Variants in WWTR1 observed in about 807,000 individuals in gnomAD.
WWTR1 encodes WW domain containing transcription regulator 1.
A neutral mutation model predicts 40.1 loss-of-function variants in WWTR1; 13 were observed. That is an observed-to-expected ratio of 0.32 (90% confidence interval 0.21 to 0.52). The LOEUF is 0.52. Among genes scored for constraint, WWTR1 ranks in the 20% least tolerant of loss-of-function variants. The pLI is 0.97. For missense variants in WWTR1, 436 were observed against 523.1 expected (o/e 0.83, Z 1.63); for synonymous variants, 230 against 210.1 (o/e 1.09, Z -0.82).
chr3:149,629,299 C>T, intron 2 of WWTR1, among the ~76,000 whole-genome samples: 1 of 146,072 alleles, frequency 6.8e-6, no homozygotes, highest in Admixed American at 6.9e-5. Context: ...ACAGAAGAGT[C>T]CCTCAGGCTC....
chr3:149,697,994 G>A (rs1304990611), intron 1 of WWTR1, among the ~76,000 whole-genome samples: 1 of 152,262 alleles, frequency 6.6e-6, no homozygotes, highest in Non-Finnish European at 1.5e-5. Flanking sequence ...GTGAAGGATA[G>A]GCTTCCAAGG....
At chr3:149,642,130 T>A (rs945129708) in intron 2 of WWTR1, among the ~76,000 whole-genome samples, 2 of 152,188 alleles carry the variant, frequency 1.3e-5, no homozygotes, top group Non-Finnish European at 2.9e-5. Flanking sequence ...TGTTAAAATG[T>A]ACGAATGTGG....
At chr3:149,561,326 TA>T (rs145568418) in intron 3 of WWTR1, among the ~76,000 whole-genome samples, 5 of 150,832 alleles carry the variant, frequency 3.3e-5, no homozygotes, top group Non-Finnish European at 4.4e-5. Flanking sequence ...ATTCATAAGT[TA>T]AAAAAAAAGA....
chr3:149,674,056 C>CAAAAA (rs71138404), intron 1 of WWTR1, among the ~76,000 whole-genome samples: 1 of 121,866 alleles, frequency 8.2e-6, no homozygotes, highest in Admixed American at 9.5e-5. Context: ...CTCGTCTCTA[C>CAAAAA]AAAAAAAAAA....
intron 1 of WWTR1, among the ~76,000 whole-genome samples, chr3:149,683,011 A>G (rs1442176096): frequency 6.6e-6 from 1 of 152,208 alleles, no homozygotes; most frequent in Non-Finnish European, 1.5e-5. Flanking sequence ...AGATGGGGAA[A>G]GGAATTCCCA....
At chr3:149,587,566 T>A (rs866104176) in intron 2 of WWTR1, among the ~76,000 whole-genome samples, 8 of 152,226 alleles carry the variant, frequency 5.3e-5, no homozygotes, top group Non-Finnish European at 8.8e-5. Flanking sequence ...CTGTGCCTTG[T>A]ATTTAATTGA....
intron 2 of WWTR1, among the ~76,000 whole-genome samples, chr3:149,624,369 T>A (rs1422179679): frequency 6.6e-6 from 1 of 152,208 alleles, no homozygotes. Flanking sequence ...AGTCCCTGGA[T>A]CTGGAGCCAA....
At chr3:149,595,483 ATTTT>A (rs1738955899) in intron 2 of WWTR1, among the ~76,000 whole-genome samples, 1 of 152,104 alleles carries the variant, frequency 6.6e-6, no homozygotes, top group African/African-American at 2.4e-5. Flanking sequence ...AATATCATAT[ATTTT>A]ATTTGCTTGA....
intron 1 of WWTR1, among the ~76,000 whole-genome samples, chr3:149,700,987 T>C (rs1489048472): frequency 6.6e-6 from 1 of 152,210 alleles, no homozygotes; most frequent in Non-Finnish European, 1.5e-5. Flanking sequence ...TTGGATAAAA[T>C]GACAGCCCAA....
At chr3:149,619,957 A>G (rs1740191803) in intron 2 of WWTR1, among the ~76,000 whole-genome samples, 1 of 152,150 alleles carries the variant, frequency 6.6e-6, no homozygotes, top group Non-Finnish European at 1.5e-5. Context: ...AGCACCCAGG[A>G]TTCCATCATT....
At chr3:149,688,652 A>G (rs1714725439) in intron 1 of WWTR1, among the ~76,000 whole-genome samples, 1 of 152,190 alleles carries the variant, frequency 6.6e-6, no homozygotes, top group Non-Finnish European at 1.5e-5. Flanking sequence ...GAGTACTTGG[A>G]AAACATTCTC....
At position 149,595,478 on chromosome 3, in the gene WWTR1, CAT is replaced by C. The variant is rs151125244; in HGVS notation, c.432-22480_432-22479del. Among the ~76,000 whole-genome samples, 649 of 152,048 alleles carry C rather than the reference CAT, an allele frequency of 4.3e-3. 9 individuals are homozygous for C. Among genetic ancestry groups the C allele is most frequent in the East Asian group, 0.018 (94 of 5,164 alleles). ...ATTTAAGTATTTAGGAGTAAAATATCATATATTTTATTTGCTTGAAAATACTA... is the reference window on the plus strand; with the variant it reads ...ATTTAAGTATTTAGGAGTAAAATATCATATTTTATTTGCTTGAAAATACTA... On this transcript the variant is annotated intron_variant, in intron 2 of 6. Transcript: ENST00000360632.
At chr3:149,524,970 A>T (rs1473252045) in intron 6 of WWTR1, among the ~76,000 whole-genome samples, 1 of 152,224 alleles carries the variant, frequency 6.6e-6, no homozygotes, top group Non-Finnish European at 1.5e-5. Context: ...CTTAGAGTTT[A>T]TGACTTTCAT....
chr3:149,596,682 T>C lies in WWTR1; in HGVS notation c.432-23682A>G, dbSNP rs143764155. Among the ~76,000 whole-genome samples the C allele has an allele frequency of 1.0e-3, 155 of 152,354 alleles. 1 individual carries two copies. Among genetic ancestry groups the C allele is most frequent in the African/African-American group, 3.6e-3 (150 of 41,576 alleles). On this transcript the variant is annotated intron_variant, in intron 2 of 6. Transcript: ENST00000360632. ...CATCACTCAGACTTTGAAGCCATGT[T>C]GCATAACAGATAATGATGTGCGCAA...
At position 149,656,886 on chromosome 3, in the gene WWTR1, A is replaced by T. The variant is rs1377588889; in HGVS notation, c.421T>A (p.Tyr141Asn). 1 of 1,517,908 alleles carries T rather than the reference A, an allele frequency of 6.6e-7. No homozygotes were observed. Among genetic ancestry groups the T allele is most frequent in the Non-Finnish European group, 8.8e-7 (1 of 1,140,374 alleles). 94.0% of individuals were successfully genotyped at this position (1,517,908 alleles called of 1,614,324 possible). The change falls in exon 2 of 7, where the codon TAC (tyrosine) becomes AAC (asparagine). Residue 141 changes from tyrosine (Y) to asparagine (N), a missense_variant. Transcript: ENST00000360632. ...TCCAGGCTGACTTACTTGAGGAAGT[A>T]CCTCTGGCCAGTGGCCGTGAAGGTC... ...EMTFTATGQR[Y>N]FLNHIEKITT...
intron 5 of WWTR1, among the ~76,000 whole-genome samples, chr3:149,711,170 A>G (rs1361339735): frequency 1.3e-5 from 2 of 151,558 alleles, no homozygotes; most frequent in Non-Finnish European, 2.9e-5. Flanking sequence ...CTAAAAAAAA[A>G]AAAAAAAAAG....
intron 3 of WWTR1, among the ~76,000 whole-genome samples, chr3:149,544,751 A>G (rs1205475380): frequency 6.6e-6 from 1 of 152,200 alleles, no homozygotes; most frequent in African/African-American, 2.4e-5. Flanking sequence ...CCCTGTAAAG[A>G]CAATCTGCCT....
At chr3:149,706,194 CTCTGTCTCA>C, upstream of WWTR1, among the ~76,000 whole-genome samples, 1 of 152,092 alleles carries the variant, frequency 6.6e-6, no homozygotes, top group Non-Finnish European at 1.5e-5. Flanking sequence ...CAGAGAGAGA[CTCTGTCTCA>C]AAAGAAAAAA....
chr3:149,710,580 C>A lies in WWTR1; in HGVS notation n.584+6862G>T, dbSNP rs1181533843. On this transcript the variant is annotated intron_variant and non_coding_transcript_variant, in intron 5 of 6. Coordinates refer to the WWTR1 transcript ENST00000474080. The stretch of plus-strand genomic sequence containing the variant: ...ATCATTATCCCCGCCTCCCCCCCCC[C>A]CCTTTTTTTTTTTTTTTGAGATTGA... Among the ~76,000 whole-genome samples, 50 of 84,452 alleles carry A rather than the reference C, an allele frequency of 5.9e-4. 1 individual carries two copies. Among genetic ancestry groups the A allele is most frequent in the African/African-American group, 2.1e-3 (45 of 21,604 alleles). 55.4% of individuals were successfully genotyped at this position (84,452 alleles called of 152,430 possible).
Sources: gnomAD v4.1 joint callset for allele counts (sites outside exome capture counted in the v4.1 genomes callset) on GRCh38, gnomAD v4.1.1 for gene constraint, MANE v1.5 for transcripts, NCBI Gene and HGNC (gene_info 2026-07-23, HGNC 2026-07-21) for gene names.